RGS12: variants seen among roughly 807,000 people sequenced by gnomAD.
The protein encoded by RGS12 is regulator of G protein signaling 12, also known as regulator of G-protein signaling 12.
In RGS12, 66 loss-of-function variants were observed where a neutral mutation model predicts 120.1. The ratio of observed to expected loss-of-function variants is 0.55; its 90% CI spans 0.45 to 0.67. RGS12 has a LOEUF of 0.67. Ranked by LOEUF, RGS12 falls within the 30% of genes least tolerant of loss-of-function variation. The probability of loss-of-function intolerance (pLI) is 0.00; values close to 1 mark genes in which losing one functional copy is unlikely to be tolerated. For synonymous variants in RGS12, 827 were observed against 804.7 expected (o/e 1.03, Z -0.47); for missense variants, 1,859 against 1,957.7 (o/e 0.95, Z 0.95).
At chr4:3,357,099 A>AT (rs1317268245) in intron 3 of RGS12, among the ~76,000 whole-genome samples, 2 of 151,986 alleles carry the variant, frequency 1.3e-5, no homozygotes, top group African/African-American at 4.8e-5. Context: ...GTGGTATCTC[A>AT]TTTTTTTGAT....
At chr4:3,420,534 G>C (rs1010529905) in intron 9 of RGS12, 108 bp from the exon 10 acceptor site, 4 of 1,000,166 alleles carry the variant, frequency 4.0e-6, no homozygotes, top group Non-Finnish European at 6.1e-6. Flanking sequence ...GGGTGGGGGG[G>C]GCTTCCTGGC....
At position 3,317,595 on chromosome 4, in the gene RGS12, C is replaced by T; in HGVS notation, c.1425C>T (p.Pro475=). 6.3e-7 allele frequency: 1 copy of T among 1,593,402 alleles called. No homozygotes were observed. The highest frequency in any genetic ancestry group is 8.6e-7 in the Non-Finnish European group (1 of 1,169,438). ...AQPWGAPWTG[P]FCPDPEGSPP... Reference sequence around the variant, plus strand: ...CCTGGGGTGCTCCCTGGACTGGGCCCTTCTGTCCGGACCCCGAAGGGAGCC... The same window carrying T: ...CCTGGGGTGCTCCCTGGACTGGGCCTTTCTGTCCGGACCCCGAAGGGAGCC... Residue 475 remains proline, a synonymous_variant, in exon 2 of 18, where the codon CCC becomes CCT. Transcript: ENST00000336727.
chr4:3,344,699 T>C (rs181393734), intron 3 of RGS12, among the ~76,000 whole-genome samples: 163 of 152,362 alleles, frequency 1.1e-3, no homozygotes, highest in Admixed American at 2.1e-3. Flanking sequence ...CAGCGTCTAA[T>C]CACTGGGTGT....
chr4:3,386,319 C>A, intron 3 of RGS12, 97 bp from the exon 4 acceptor site: 2 of 1,198,780 alleles, frequency 1.7e-6, no homozygotes, highest in South Asian at 1.2e-5. Flanking sequence ...GAGAACCTCC[C>A]AGAGTCTGCC....
rs977561619 is a variant in RGS12, at chr4:3,389,652, C to T, written c.2020+3215C>T. Among the ~76,000 whole-genome samples, 56 of 152,300 alleles carry T rather than the reference C, an allele frequency of 3.7e-4. No homozygotes were observed. Among genetic ancestry groups the T allele is most frequent in the South Asian group, 8.3e-4 (4 of 4,820 alleles). Reference sequence around the variant, plus strand: ...TGCAGCCTCCACAGGTGGATGTTCCCGCTGTGACCACCTCACCTTCTGAAG... The same window carrying T: ...TGCAGCCTCCACAGGTGGATGTTCCTGCTGTGACCACCTCACCTTCTGAAG... On this transcript the variant is annotated intron_variant, in intron 4 of 17. Transcript: ENST00000336727. This position sits in a 1 kb window ranked among gnomAD's most constrained non-coding sequence, Gnocchi z 5.2.
rs1445788633 is a variant in RGS12 at position 3,417,084 on chromosome 4, C to T, written c.2599C>T (p.Pro867Ser). The T allele has an allele frequency of 6.3e-7, 1 of 1,598,826 alleles. No individual in the cohort carries two copies. The change falls in exon 8 of 18, where the codon CCA becomes TCA. Residue 867 changes from proline (P) to serine (S), a missense_variant. Pro to Ser is a moderately conservative substitution (Grantham distance 74). This residue lies in a region of RGS12 where 375 missense variants were observed against 475.0 expected (regional missense o/e 0.79). Coordinates refer to ENST00000336727, the MANE Select transcript of RGS12 (RefSeq NM_001394154.1). ...TTCAGACCACTCCAGTGTGTCCACGCCAAAAAAGGTGACCTCCCCGAGGCT... is the reference window on the plus strand; with the variant it reads ...TTCAGACCACTCCAGTGTGTCCACGTCAAAAAAGGTGACCTCCCCGAGGCT... ...LGSDHSSVST[P>S]KKLSGKSKSG...
intron 1 of RGS12, among the ~76,000 whole-genome samples, chr4:3,307,867 GTCCT>G (rs2110372452): frequency 6.6e-6 from 1 of 152,364 alleles, no homozygotes; most frequent in South Asian, 2.1e-4. Flanking sequence ...TTTAAAAAGG[GTCCT>G]TCCTTCTTTC....
chr4:3,289,367 T>A (rs1361328013), upstream of RGS12, among the ~76,000 whole-genome samples: 2 of 151,980 alleles, frequency 1.3e-5, no homozygotes, highest in Non-Finnish European at 2.9e-5. Flanking sequence ...CACGCCCAGC[T>A]AATTTTTTGT....
At chr4:3,299,032 G>A (rs2110352584) in intron 1 of RGS12, among the ~76,000 whole-genome samples, 1 of 152,266 alleles carries the variant, frequency 6.6e-6, no homozygotes, top group South Asian at 2.1e-4. Context: ...GTTATTTGAT[G>A]GTGTACTGGA....
chr4:3,420,513 TGGTGGGGGATG>T (rs1722890368), intron 9 of RGS12, 118 bp from the exon 10 acceptor site: 6 of 736,126 alleles, frequency 8.2e-6, no homozygotes, highest in Non-Finnish European at 1.3e-5. Context: ...AAGTGATGCC[TGGTGGGGGATG>T]GGTGGGGGGG....
At chr4:3,407,296 A>AC (rs1721243178) in intron 4 of RGS12, 1 of 152,218 alleles carries the variant, frequency 6.6e-6, no homozygotes, top group Non-Finnish European at 1.5e-5. Flanking sequence ...GCTTCGTGCG[A>AC]CGTCTCCTGT....
intron 3 of RGS12, among the ~76,000 whole-genome samples, chr4:3,352,896 C>T (rs907821236): frequency 1.3e-5 from 2 of 152,142 alleles, no homozygotes; most frequent in African/African-American, 4.8e-5. Context: ...TTCACAAACC[C>T]AAAGAGGCCT....
Position 3,372,441 on chromosome 4 carries a change from G to T in RGS12, c.1999-13975G>T, listed in dbSNP as rs1368375609. On this transcript the variant is annotated intron_variant, in intron 3 of 17. Coordinates refer to ENST00000336727, the MANE Select transcript of RGS12 (RefSeq NM_001394154.1). This position sits in a 1 kb window ranked among gnomAD's most constrained non-coding sequence, Gnocchi z 4.3. Reference sequence around the variant, plus strand: ...CAGGTGAAGGCCCTGCTGGCGCACGGCTGGACAAGCATGACAGTTGTCGCG... The same window carrying T: ...CAGGTGAAGGCCCTGCTGGCGCACGTCTGGACAAGCATGACAGTTGTCGCG... Among the ~76,000 whole-genome samples the T allele has an allele frequency of 6.6e-6, 1 of 152,222 alleles. No homozygotes were observed. Among genetic ancestry groups the T allele is most frequent in the African/African-American group, 2.4e-5 (1 of 41,466 alleles).
chr4:3,302,999 C>G (rs1723770187), intron 1 of RGS12, among the ~76,000 whole-genome samples: 1 of 152,166 alleles, frequency 6.6e-6, no homozygotes, highest in Admixed American at 6.5e-5. Flanking sequence ...TTCGTAGTTG[C>G]CCACCTGGAG....
chr4:3,405,987 G>A (rs1721076304), intron 4 of RGS12, among the ~76,000 whole-genome samples: 2 of 152,062 alleles, frequency 1.3e-5, no homozygotes, highest in African/African-American at 2.4e-5. Context: ...GTTTCCTGTG[G>A]CATCTCGGTG....
At position 3,348,965 on chromosome 4, in the gene RGS12, G is replaced by C. The variant is rs1356691133; in HGVS notation, c.1998+5912G>C. 2.0e-5 allele frequency among the ~76,000 whole-genome samples: 3 copies of C among 152,266 alleles called. No individual in the cohort carries two copies. In the East Asian group the frequency reaches 5.8e-4, roughly 29 times the overall value. ...AGACAGCATTTCTAACCTCATACGA[G>C]GGAAATTAGATGGAGACTAAAATAG... On this transcript the variant is annotated intron_variant, in intron 3 of 17. Transcript: ENST00000336727.
rs766553649 is a variant in RGS12 at position 3,416,237 on chromosome 4, G to A, written c.2427+116G>A. 115 of 1,211,188 alleles carry A rather than the reference G, an allele frequency of 9.5e-5. 1 individual carries two copies. The highest frequency in any genetic ancestry group is 2.0e-4 in the Middle Eastern group (1 of 5,078). The allele number at this position is 1,211,188 out of a possible 1,614,324, so 75.0% of individuals were successfully genotyped here. ...CCAGTGGATCGAGAGCATCACAGAC[G>A]CAGGTAGAGAAACGCAGACAGAAAG... is the stretch of plus-strand genomic sequence containing the variant. On this transcript the variant is annotated intron_variant, in intron 7 of 17. Coordinates refer to ENST00000336727, the MANE Select transcript of RGS12 (RefSeq NM_001394154.1).
chr4:3,386,152 CTG>C (rs775891483), intron 3 of RGS12: 10 of 538,106 alleles, frequency 1.9e-5, no homozygotes, highest in Non-Finnish European at 2.6e-5. Flanking sequence ...GTTACTAAGA[CTG>C]TAATGTCAGA....
rs553141170 is a variant in RGS12, at chr4:3,408,476, A to G, written c.2021-5596A>G. The stretch of plus-strand genomic sequence containing the variant: ...GTTCCTCTGCAAGTCACCTGCATGA[A>G]TTTTGTCCAGATGGAATCGTAAAAA... On this transcript the variant is annotated intron_variant, in intron 4 of 17. Coordinates refer to ENST00000336727, the MANE Select transcript of RGS12 (RefSeq NM_001394154.1). Among the ~76,000 whole-genome samples the G allele has an allele frequency of 2.2e-3, 342 of 152,278 alleles. 1 individual carries two copies. The highest frequency in any genetic ancestry group is 3.6e-3 in the Non-Finnish European group (247 of 68,016).
Sources: gnomAD v4.1 joint callset for allele counts (sites outside exome capture counted in the v4.1 genomes callset) on GRCh38, gnomAD v4.1.1 for gene constraint, gnomAD v4.1.1 regional missense constraint, Gnocchi (gnomAD v3.1) non-coding constraint, MANE v1.5 for transcripts, NCBI Gene and HGNC (gene_info 2026-07-23, HGNC 2026-07-21) for gene names.